The following JAKMIP3 variants were observed in gnomAD, a reference collection of about 807,000 sequenced individuals.
The protein encoded by JAKMIP3 is Janus kinase and microtubule interacting protein 3, also known as janus kinase and microtubule-interacting protein 3.
JAKMIP3 carries 58 observed loss-of-function variants against 118.5 expected under a neutral mutation model. The ratio of observed to expected loss-of-function variants is 0.49; its 90% confidence interval spans 0.40 to 0.61. The LOEUF is 0.61. JAKMIP3 is among the 20% of genes least tolerant of loss of function. The pLI, the probability that JAKMIP3 is intolerant of heterozygous loss-of-function variation, is 0.00. For synonymous variants in JAKMIP3, 486 were observed against 451.2 expected, an observed-to-expected ratio of 1.08 and a Z score of -0.98; for missense variants, 950 against 1,109.0, an observed-to-expected ratio of 0.86 and a Z score of 2.04.
At chr10:132,150,764 T>C (rs769015969) in intron 16 of JAKMIP3, among the ~76,000 whole-genome samples, 1 of 151,940 alleles carries the variant, frequency 6.6e-6, no homozygotes, top group Non-Finnish European at 1.5e-5. Context: ...CCGTCCTCCA[T>C]AATCCATGTA....
chr10:132,037,004 G>GGGGCCCGCGCAGGTGCTGGGCC (rs2037528218), intron 1 of JAKMIP3, among the ~76,000 whole-genome samples: 1 of 152,204 alleles, frequency 6.6e-6, no homozygotes, highest in Non-Finnish European at 1.5e-5. Context: ...GCCGCTGGGT[G>GGGGCCCGCGCAGGTGCTGGGCC]GGGCCCGCGC....
At chr10:132,145,999 C>T (rs1405899204) in intron 13 of JAKMIP3, among the ~76,000 whole-genome samples, 1 of 152,150 alleles carries the variant, frequency 6.6e-6, no homozygotes, top group South Asian at 2.1e-4. Flanking sequence ...CTGAAGTCCT[C>T]GGGGAAGAGC....
intron 20 of JAKMIP3, among the ~76,000 whole-genome samples, chr10:132,163,975 G>A (rs1011655658): frequency 1.5e-4 from 23 of 152,248 alleles, no homozygotes; most frequent in African/African-American, 5.5e-4. Flanking sequence ...TAGATGGCCT[G>A]GATGTGTAGG....
In JAKMIP3 at chr10:132,134,911, C is replaced by T. The variant is rs2051424073; in HGVS notation, c.850-130C>T. 3 of 1,198,130 alleles carry T rather than the reference C, an allele frequency of 2.5e-6. No individual in the cohort carries two copies. In the African/African-American group the frequency reaches 4.6e-5, roughly 18 times the overall value. The allele number at this position is 1,198,130 out of a possible 1,614,324, so 74.2% of individuals were successfully genotyped here. A position where few individuals can be genotyped will look rare whatever the true frequency, so the allele number is the denominator to read the frequency against. The stretch of plus-strand genomic sequence containing the variant: ...TTTCCCCGGGGGGCTCCGAACCTTC[C>T]CGGCAGCCGCGTGGAGGTAAAGGCG... On this transcript the variant is annotated intron_variant, in intron 4 of 23. Coordinates refer to ENST00000684848, the MANE Select transcript of JAKMIP3 (RefSeq NM_001323087.2).
At chr10:132,094,567 G>C (rs1002844681) in intron 1 of JAKMIP3, among the ~76,000 whole-genome samples, 2 of 152,124 alleles carry the variant, frequency 1.3e-5, no homozygotes, top group African/African-American at 4.8e-5. Context: ...CCAGGCTCTG[G>C]GCTGGTACTG....
chr10:132,161,413 G>C (rs1256256707), intron 19 of JAKMIP3, among the ~76,000 whole-genome samples: 1 of 28,874 alleles, frequency 3.5e-5, no homozygotes, highest in Non-Finnish European at 6.0e-5. Flanking sequence ...GTGTCTTACT[G>C]GGGGGGGCCT....
Position 132,117,337 on chromosome 10 carries a change from G to A in JAKMIP3, c.396G>A (p.Lys132=). Residue 132 remains lysine, a synonymous_variant, in exon 3 of 24, where the codon AAG becomes AAA. Transcript: ENST00000684848. The surrounding 1 kb of genome is among the most constrained non-coding windows in gnomAD (Gnocchi z 8.6). ...ALRDGGPEKV[K]TVLLSEAKEE... is the part of the protein sequence containing the mutation. ...GTGATGGCGGCCCCGAAAAGGTCAA[G>A]ACCGTGCTGCTGTCCGAGGCCAAGG... 6.2e-7 allele frequency: 1 copy of A among 1,613,988 alleles called. No homozygotes were observed. The highest frequency in any genetic ancestry group is 8.5e-7 in the Non-Finnish European group (1 of 1,179,900).
intron 1 of JAKMIP3, among the ~76,000 whole-genome samples, chr10:132,081,902 C>T (rs146481544): frequency 1.4e-4 from 21 of 152,044 alleles, no homozygotes; most frequent in Non-Finnish European, 2.6e-4. Flanking sequence ...TCTTCTTAAC[C>T]GGCCACTGTC....
chr10:132,056,910 C>T (rs1020194069), intron 1 of JAKMIP3, among the ~76,000 whole-genome samples: 1 of 152,140 alleles, frequency 6.6e-6, no homozygotes, highest in Admixed American at 6.5e-5. Flanking sequence ...CAGATCCCAT[C>T]CAGGGGTCAG....
At chr10:132,136,210 C>T in intron 6 of JAKMIP3, 134 bp downstream of exon 6, 2 of 924,760 alleles carry the variant, frequency 2.2e-6, no homozygotes, top group Admixed American at 5.2e-5. Context: ...GGAGTCTGGC[C>T]TCACGCATGT....
At chr10:132,116,976 TGA>T (rs2047780509) in intron 2 of JAKMIP3, 99 bp from the exon 3 acceptor site, 3 of 1,329,820 alleles carry the variant, frequency 2.3e-6, no homozygotes, top group Non-Finnish European at 3.1e-6. Flanking sequence ...CATTCAGGTG[TGA>T]GTGTGTGCAA....
chr10:132,137,248 T>C lies in JAKMIP3; in HGVS notation c.1249-6T>C. The C allele has an allele frequency of 6.2e-7, 1 of 1,613,900 alleles. No individual in the cohort carries two copies. ...AATTCCGTAACATGCTGTCTTCCTT[T>C]CCTAGACCCTTGAGACCGCCGGCTA... is the stretch of plus-strand genomic sequence containing the variant. On this transcript the variant is annotated splice_region_variant and splice_polypyrimidine_tract_variant and intron_variant, in intron 7 of 23. Coordinates refer to ENST00000684848, the MANE Select transcript of JAKMIP3 (RefSeq NM_001323087.2).
chr10:132,115,983 A>G (rs1387708236), intron 2 of JAKMIP3, among the ~76,000 whole-genome samples: 1 of 152,212 alleles, frequency 6.6e-6, no homozygotes, highest in East Asian at 1.9e-4. Flanking sequence ...AGCCCTTGGC[A>G]GCAGAGCCTG....
At chr10:132,105,050 C>A in intron 2 of JAKMIP3, 107 bp downstream of exon 2, 1 of 1,321,864 alleles carries the variant, frequency 7.6e-7, no homozygotes, top group African/African-American at 1.5e-5. Flanking sequence ...GTGGAAACCC[C>A]CACCCAGTCC....
chr10:132,060,993 C>G (rs1343276636), upstream of JAKMIP3, among the ~76,000 whole-genome samples: 3 of 152,098 alleles, frequency 2.0e-5, no homozygotes, highest in African/African-American at 7.2e-5. Context: ...CCACTGCACT[C>G]CAGCCTAGGC....
intron 1 of JAKMIP3, among the ~76,000 whole-genome samples, chr10:132,084,758 A>G (rs781568710): frequency 6.6e-6 from 1 of 152,192 alleles, no homozygotes; most frequent in South Asian, 2.1e-4. Flanking sequence ...TTGTATGCCA[A>G]TCTTGCTGAG....
rs1208860954 is a variant in JAKMIP3 at position 132,112,106 on chromosome 10, C to G, written c.136-4971C>G. 6.6e-6 allele frequency among the ~76,000 whole-genome samples: 1 copy of G among 151,900 alleles called. No homozygotes were observed. The highest frequency in any genetic ancestry group is 1.5e-5 in the Non-Finnish European group (1 of 67,922). ...TCTGAGCAGCAGTGGCCGGGCTGCC[C>G]TTTGCTGAGGTGGCATCTGGGCGAG... is the stretch of plus-strand genomic sequence containing the variant. On this transcript the variant is annotated intron_variant, in intron 2 of 23. Transcript: ENST00000684848. The surrounding 1 kb of genome is among the most constrained non-coding windows in gnomAD (Gnocchi z 4.3).
chr10:132,138,314 G>T, intron 9 of JAKMIP3, 136 bp downstream of exon 9: 1 of 727,238 alleles, frequency 1.4e-6, no homozygotes, highest in East Asian at 2.9e-5. Flanking sequence ...GGGTGTGTGT[G>T]CCGAGGACCG....
At chr10:132,108,466 AGC>A (rs932626926) in intron 2 of JAKMIP3, among the ~76,000 whole-genome samples, 27 of 152,120 alleles carry the variant, frequency 1.8e-4, no homozygotes, top group African/African-American at 4.3e-4. Context: ...AGCTACTGGA[AGC>A]AGGGGCTGGA....
Sources: allele counts gnomAD v4.1 joint callset (sites outside exome capture counted in the v4.1 genomes callset), GRCh38; gene constraint gnomAD v4.1.1; non-coding constraint Gnocchi (gnomAD v3.1); transcripts MANE v1.5; gene names NCBI Gene and HGNC (gene_info 2026-07-23, HGNC 2026-07-21).